Variants in CNTRL observed in about 807,000 individuals in gnomAD.
CNTRL encodes the protein centriolin, also known as 110 kDa centrosomal protein.
Under a neutral mutation model 303.7 loss-of-function variants are expected in CNTRL, and 233 were observed. That is an observed-to-expected ratio of 0.77 (90% CI 0.69 to 0.86). The LOEUF is 0.86. Ranked by LOEUF, CNTRL falls within the 40% of genes least tolerant of loss-of-function variation. CNTRL has a pLI of 0.00. For missense variants in CNTRL, 2,524 were observed against 2,650.6 expected (o/e 0.95, Z 1.05); for synonymous variants, 900 against 922.2 (o/e 0.98, Z 0.44).
intron 42 of CNTRL, among the ~76,000 whole-genome samples, chr9:121,174,709 C>T (rs562488704): frequency 6.6e-6 from 1 of 151,826 alleles, no homozygotes; most frequent in African/African-American, 2.4e-5. Flanking sequence ...TCAGTCATAA[C>T]AGAAAAGGAA....
chr9:121,097,239 G>T (rs992329169), intron 6 of CNTRL, among the ~76,000 whole-genome samples: 1 of 152,018 alleles, frequency 6.6e-6, no homozygotes, highest in Admixed American at 6.6e-5. Context: ...GGAAAATTGT[G>T]CCATAATTTA....
At chr9:121,076,200 G>A (rs536084724) in intron 1 of CNTRL, among the ~76,000 whole-genome samples, 6 of 152,322 alleles carry the variant, frequency 3.9e-5, no homozygotes, top group Admixed American at 3.9e-4. Context: ...CAGAGATCAT[G>A]GGTAATAGGG....
intron 7 of CNTRL, 28 bp downstream of exon 7, chr9:121,098,600 T>C: frequency 7.0e-7 from 1 of 1,436,850 alleles, no homozygotes; most frequent in Non-Finnish European, 9.4e-7. Flanking sequence ...AAATAATAAA[T>C]TTGGGTGAGG....
At chr9:121,083,088 C>T (rs1160740317) in intron 2 of CNTRL, among the ~76,000 whole-genome samples, 1 of 152,042 alleles carries the variant, frequency 6.6e-6, no homozygotes, top group East Asian at 1.9e-4. Context: ...AAGTTTCTTT[C>T]CCAGTTAGTC....
rs201106862 is a variant in CNTRL at position 121,161,943 on chromosome 9, T to G, written c.5177T>G (p.Leu1726Ter). 22 of 1,614,048 alleles carry G rather than the reference T, an allele frequency of 1.4e-5. No individual in the cohort carries two copies. The highest frequency in any genetic ancestry group is 5.0e-5 in the Admixed American group (3 of 60,004). ...CAACATGACCAAAGGGTATCTGAATTAGAGAAGACTCAGGTGGCAGTGCTA... is the reference window on the plus strand; with the variant it reads ...CAACATGACCAAAGGGTATCTGAATGAGAGAAGACTCAGGTGGCAGTGCTA... ...KLQHDQRVSE[L>*]EKTQVAVLEE... The change falls in exon 33 of 44, where the codon TTA (leucine) becomes TGA (stop). Residue 1726 changes from leucine (L) to a stop codon, truncating the protein, a stop_gained. Transcript: ENST00000373855. LOFTEE classifies it high-confidence loss of function.
At chr9:121,145,845 C>T (rs1011892154) in intron 22 of CNTRL, among the ~76,000 whole-genome samples, 16 of 152,024 alleles carry the variant, frequency 1.1e-4, no homozygotes, top group African/African-American at 3.6e-4. Context: ...GGCAGTGAGC[C>T]GAGATTGGGC....
rs184144658 is a variant in CNTRL, at chr9:121,103,894, G to A, written c.809-3908G>A. Among the ~76,000 whole-genome samples, 203 of 152,338 alleles carry A rather than the reference G, an allele frequency of 1.3e-3. 2 individuals carry two copies. Among genetic ancestry groups the A allele is most frequent in the African/African-American group, 4.5e-3 (185 of 41,568 alleles). On this transcript the variant is annotated intron_variant, in intron 7 of 43. Transcript: ENST00000373855. ...GGAAACAACAGGTGCTGGAGAGGAT[G>A]TGGAGAAATAGGAACACTTTTACAC... is the stretch of plus-strand genomic sequence containing the variant.
rs140138163 is a variant in CNTRL, at chr9:121,085,355, T to G, written c.-31-2941T>G. Among the ~76,000 whole-genome samples the G allele has an allele frequency of 1.3e-4, 20 of 152,342 alleles. No individual in the cohort carries two copies. The East Asian group carries it at 3.9e-3, about 29-fold the overall frequency. ...TAGCTTGTGTTCACTGCATAGAAAT[T>G]CATGAAGCTATATACACTTATGATT... On this transcript the variant is annotated intron_variant, in intron 2 of 43. Coordinates refer to ENST00000373855, the MANE Select transcript of CNTRL (RefSeq NM_007018.6).
At position 121,089,479 on chromosome 9, in the gene CNTRL, A is replaced by T. The variant is rs984833912; in HGVS notation, c.218-796A>T. 7.2e-5 allele frequency among the ~76,000 whole-genome samples: 11 copies of T among 152,192 alleles called. 1 individual carries two copies. Among genetic ancestry groups the T allele is most frequent in the African/African-American group, 2.7e-4 (11 of 41,448 alleles). On this transcript the variant is annotated intron_variant, in intron 3 of 43. Coordinates refer to ENST00000373855, the MANE Select transcript of CNTRL (RefSeq NM_007018.6). ...TGTAATGTGGCATTAACAGTCTTTG[A>T]CAACAATATCCAGGAAAGTTATAAG...
chr9:121,105,114 C>A (rs768956574), intron 7 of CNTRL, among the ~76,000 whole-genome samples: 1 of 152,140 alleles, frequency 6.6e-6, no homozygotes, highest in Non-Finnish European at 1.5e-5. Flanking sequence ...AGGAGGCTAG[C>A]GTAGCAATCT....
intron 1 of CNTRL, among the ~76,000 whole-genome samples, chr9:121,077,061 G>A (rs2047953497): frequency 6.6e-6 from 1 of 152,066 alleles, no homozygotes; most frequent in Admixed American, 6.5e-5. Context: ...TCTGTACTAA[G>A]CTGTGATGGA....
At chr9:121,120,777 T>C (rs1418947899) in intron 12 of CNTRL, among the ~76,000 whole-genome samples, 1 of 152,190 alleles carries the variant, frequency 6.6e-6, no homozygotes, top group Non-Finnish European at 1.5e-5. Flanking sequence ...AAATGAGACA[T>C]GGGAATGGCA....
intron 14 of CNTRL, among the ~76,000 whole-genome samples, chr9:121,129,707 T>C (rs568807798): frequency 6.6e-6 from 1 of 152,350 alleles, no homozygotes; most frequent in Admixed American, 6.5e-5. Flanking sequence ...ATCCCTGTCT[T>C]GTGCCAGTTT....
At chr9:121,079,760 A>T (rs2048067045) in intron 1 of CNTRL, among the ~76,000 whole-genome samples, 1 of 152,226 alleles carries the variant, frequency 6.6e-6, no homozygotes, top group African/African-American at 2.4e-5. Flanking sequence ...AAACAAAAAA[A>T]GACGGGGTTT....
chr9:121,157,901 G>A, intron 29 of CNTRL, 21 bp downstream of exon 29: 1 of 1,613,740 alleles, frequency 6.2e-7, no homozygotes, highest in South Asian at 1.1e-5. Flanking sequence ...CCTCTGTAGG[G>A]CTACAAGGGG....
chr9:121,108,878 TC>T (rs1394220309), intron 8 of CNTRL, among the ~76,000 whole-genome samples: 18 of 152,344 alleles, frequency 1.2e-4, no homozygotes, highest in African/African-American at 4.3e-4. Flanking sequence ...AGTCCACTCT[TC>T]CCTACCCCAT....
chr9:121,113,551 C>G lies in CNTRL; in HGVS notation c.1172C>G (p.Ser391Cys). 1 of 1,605,622 alleles carries G rather than the reference C, an allele frequency of 6.2e-7. No homozygotes were observed. Among genetic ancestry groups the G allele is most frequent in the East Asian group, 2.2e-5 (1 of 44,590 alleles). The stretch of plus-strand genomic sequence containing the variant: ...GATGAAAGCCCTTACATTGGCAAAT[C>G]CAGATACAAGAGAAATATGTTTGCC... ...APDESPYIGK[S>C]RYKRNMFATE... The change falls in exon 10 of 44, where the codon TCC becomes TGC. Residue 391 changes from serine (S) to cysteine (C), a missense_variant. Transcript: ENST00000373855.
At chr9:121,117,318 G>GTT (rs2050021025) in intron 11 of CNTRL, among the ~76,000 whole-genome samples, 2 of 152,158 alleles carry the variant, frequency 1.3e-5, no homozygotes, top group South Asian at 2.1e-4. Context: ...CATAATAATC[G>GTT]TCCATATTTT....
At chr9:121,118,619 C>T in intron 12 of CNTRL, 79 bp downstream of exon 12, 2 of 1,215,458 alleles carry the variant, frequency 1.6e-6, no homozygotes, top group South Asian at 4.0e-5. Context: ...AGTCCAGAGT[C>T]CTTTCTGAAA....
Sources: allele counts gnomAD v4.1 joint callset (sites outside exome capture counted in the v4.1 genomes callset), GRCh38; gene constraint gnomAD v4.1.1; transcripts MANE v1.5; gene names NCBI Gene and HGNC (gene_info 2026-07-23, HGNC 2026-07-21).